Variants in SMAD5 observed in about 807,000 individuals in gnomAD.
SMAD5 encodes the protein SMAD family member 5.
Under a neutral mutation model 43.1 loss-of-function variants are expected in SMAD5, and 9 were observed. That is an observed-to-expected ratio of 0.21 (90% CI 0.13 to 0.36). The LOEUF is 0.36. Ranked by LOEUF, SMAD5 falls within the 10% of genes least tolerant of loss-of-function variation. SMAD5 has a pLI of 1.00. For missense variants in SMAD5, 348 were observed against 574.0 expected (o/e 0.61, Z 4.02); for synonymous variants, 190 against 192.4 (o/e 0.99, Z 0.10).
At position 136,177,610 on chromosome 5, in the gene SMAD5, C is replaced by A. The variant is rs757188211; in HGVS notation, c.*130C>A. On this transcript the variant is annotated 3_prime_UTR_variant, in exon 8 of 8. Coordinates refer to ENST00000545279, the MANE Select transcript of SMAD5 (RefSeq NM_005903.7). ...CTTATTTTTTTCTACATAATTGTGA[C>A]CAATACATTTGTATTTTGTGATGAA... The A allele has an allele frequency of 4.6e-6, 3 of 654,952 alleles. No homozygotes were observed. The highest frequency in any genetic ancestry group is 7.7e-6 in the Non-Finnish European group (3 of 392,038). The allele number at this position is 654,952 out of a possible 1,614,324, so 40.6% of individuals were successfully genotyped here. A position where few individuals can be genotyped will look rare whatever the true frequency, so the allele number is the denominator to read the frequency against.
rs898542325 is a variant in SMAD5 at position 136,132,948 on chromosome 5, C to G, written c.-259C>G. 2.6e-5 allele frequency: 4 copies of G among 152,256 alleles called. No homozygotes were observed. Among genetic ancestry groups the G allele is most frequent in the African/African-American group, 9.6e-5 (4 of 41,460 alleles). 9.4% of individuals were successfully genotyped at this position (152,256 alleles called of 1,614,324 possible). On this transcript the variant is annotated 5_prime_UTR_variant, in exon 1 of 8. Coordinates refer to ENST00000545279, the MANE Select transcript of SMAD5 (RefSeq NM_005903.7). The stretch of plus-strand genomic sequence containing the variant: ...CAGCGACGGCGTCGGGAGAGCGCGC[C>G]TAGCCGGCTCGCGAGTGAGTGAGGG...
In SMAD5 at chr5:136,178,235, G is replaced by C. The variant is rs1478876738; in HGVS notation, c.*755G>C. ...TCATAAGCATTACTTTATAGCTAGT[G>C]ACAGTGCATGCACAGCCTTGTTCAA... is the stretch of plus-strand genomic sequence containing the variant. On this transcript the variant is annotated 3_prime_UTR_variant, in exon 8 of 8. Coordinates refer to ENST00000545279, the MANE Select transcript of SMAD5 (RefSeq NM_005903.7). The C allele has an allele frequency of 1.3e-5, 2 of 152,618 alleles. No individual in the cohort carries two copies. The highest frequency in any genetic ancestry group is 4.8e-5 in the African/African-American group (2 of 41,434). 9.5% of individuals were successfully genotyped at this position (152,618 alleles called of 1,614,324 possible). A position where few individuals can be genotyped will look rare whatever the true frequency, so the allele number is the denominator to read the frequency against.
intron 1 of SMAD5, among the ~76,000 whole-genome samples, chr5:136,139,126 C>CTGTGTG (rs33970909): frequency 0.011 from 1,520 of 139,940 alleles, 38 homozygotes; most frequent in African/African-American, 0.041. Flanking sequence ...TAGCTGTGAG[C>CTGTGTG]TCTGTGTGTG....
At chr5:136,136,919 A>G (rs1436632712) in intron 1 of SMAD5, among the ~76,000 whole-genome samples, 1 of 151,982 alleles carries the variant, frequency 6.6e-6, no homozygotes, top group Non-Finnish European at 1.5e-5. Context: ...CTGGTCTCGA[A>G]CTTCTGACCT....
In SMAD5 at chr5:136,179,010, A is replaced by C. The variant is rs1205698448; in HGVS notation, c.*1530A>C. On this transcript the variant is annotated 3_prime_UTR_variant, in exon 8 of 8. Coordinates refer to ENST00000545279, the MANE Select transcript of SMAD5 (RefSeq NM_005903.7). ...GGAGGTTGTGGTGAGCCGAGATCGC[A>C]CCACTGCACTCCAGCCTGGGCGACA... is the stretch of plus-strand genomic sequence containing the variant. 5 of 152,472 alleles carry C rather than the reference A, an allele frequency of 3.3e-5. No individual in the cohort carries two copies. The highest frequency in any genetic ancestry group is 1.2e-4 in the African/African-American group (5 of 41,428). The allele number at this position is 152,472 out of a possible 1,614,324, so 9.4% of individuals were successfully genotyped here. A position where few individuals can be genotyped will look rare whatever the true frequency, so the allele number is the denominator to read the frequency against.
intron 5 of SMAD5, among the ~76,000 whole-genome samples, chr5:136,164,753 G>A (rs913731755): frequency 3.3e-5 from 5 of 151,932 alleles, no homozygotes; most frequent in African/African-American, 4.8e-5. Context: ...TTCATTTCTA[G>A]ATTATGCTTT....
intron 1 of SMAD5, among the ~76,000 whole-genome samples, chr5:136,143,733 A>G (rs970024043): frequency 2.0e-5 from 3 of 151,836 alleles, no homozygotes; most frequent in Non-Finnish European, 4.4e-5. Context: ...ACAAGCAGTT[A>G]TTCTTGCCTC....
chr5:136,176,457 C>CAAAAAAAAAAAAAAAA (rs60311104), intron 7 of SMAD5, among the ~76,000 whole-genome samples: 2 of 68,534 alleles, frequency 2.9e-5, no homozygotes, highest in African/African-American at 9.7e-5. Flanking sequence ...CTCTGTCTCA[C>CAAAAAAAAAAAAAAAA]AAAAAAAAAA....
intron 3 of SMAD5, among the ~76,000 whole-genome samples, chr5:136,158,276 T>C (rs2149771396): frequency 6.6e-6 from 1 of 152,074 alleles, no homozygotes; most frequent in South Asian, 2.1e-4. Context: ...AAAAAAAAGA[T>C]TCTGAAAACT....
At chr5:136,152,303 G>A (rs1753498242) in intron 2 of SMAD5, among the ~76,000 whole-genome samples, 3 of 152,056 alleles carry the variant, frequency 2.0e-5, no homozygotes, top group Non-Finnish European at 2.9e-5. Flanking sequence ...TTTTTAAAAA[G>A]CCCCATCATG....
chr5:136,158,120 G>A (rs1171320555), intron 3 of SMAD5, among the ~76,000 whole-genome samples: 2 of 152,100 alleles, frequency 1.3e-5, no homozygotes, highest in Admixed American at 6.5e-5. Context: ...TGGAAATAGA[G>A]CATTGAGGAA....
rs990626750 is a variant in SMAD5, at chr5:136,178,214, A to G, written c.*734A>G. On this transcript the variant is annotated 3_prime_UTR_variant, in exon 8 of 8. Coordinates refer to ENST00000545279, the MANE Select transcript of SMAD5 (RefSeq NM_005903.7). ...ATGTCATTTACTCAAAATCTGTCAT[A>G]AGCATTACTTTATAGCTAGTGACAG... is the stretch of plus-strand genomic sequence containing the variant. The G allele has an allele frequency of 3.3e-5, 5 of 152,628 alleles. No homozygotes were observed. The highest frequency in any genetic ancestry group is 1.2e-4 in the African/African-American group (5 of 41,420). 9.5% of individuals were successfully genotyped at this position (152,628 alleles called of 1,614,324 possible).
chr5:136,161,049 C>G lies in SMAD5; in HGVS notation c.597C>G (p.Ser199Arg), dbSNP rs1753809931. The change falls in exon 4 of 8, where the codon AGC (serine) becomes AGG (arginine). Residue 199 changes from serine (S) to arginine (R), a missense_variant. Transcript: ENST00000545279. ...GCCCTTATCCCCCTTCTCCTGCTAG[C>G]AGCACATATCCCAACTCCCCAGCAA... ...PNSPYPPSPA[S>R]STYPNSPASS... 6.2e-6 allele frequency: 10 copies of G among 1,613,730 alleles called. No individual in the cohort carries two copies. Among genetic ancestry groups the G allele is most frequent in the Non-Finnish European group, 8.5e-6 (10 of 1,179,788 alleles).
At chr5:136,148,473 A>T (rs1229001439) in intron 2 of SMAD5, among the ~76,000 whole-genome samples, 2 of 151,828 alleles carry the variant, frequency 1.3e-5, no homozygotes, top group Admixed American at 1.3e-4. Context: ...AAACATGGAG[A>T]ATCTTATAAT....
At chr5:136,166,585 T>A (rs1754022227) in intron 5 of SMAD5, among the ~76,000 whole-genome samples, 1 of 152,228 alleles carries the variant, frequency 6.6e-6, no homozygotes, top group African/African-American at 2.4e-5. Context: ...AGGTAGTTTT[T>A]AAATCTCTAA....
At position 136,180,751 on chromosome 5, in the gene SMAD5, G is replaced by A. The variant is rs1043426213; in HGVS notation, c.*3271G>A. The stretch of plus-strand genomic sequence containing the variant: ...ATAGAATTGGTTGGGTTTCTGAGGT[G>A]AAATCCAGAGTAAGAGTACTAGACA... On this transcript the variant is annotated 3_prime_UTR_variant, in exon 8 of 8. Coordinates refer to ENST00000545279, the MANE Select transcript of SMAD5 (RefSeq NM_005903.7). The A allele has an allele frequency of 2.6e-5, 4 of 152,122 alleles. No homozygotes were observed. The highest frequency in any genetic ancestry group is 3.8e-4 in the East Asian group (2 of 5,198). 9.4% of individuals were successfully genotyped at this position (152,122 alleles called of 1,614,324 possible).
chr5:136,176,235 C>T (rs891697061), intron 7 of SMAD5, among the ~76,000 whole-genome samples: 5 of 151,580 alleles, frequency 3.3e-5, no homozygotes, highest in Middle Eastern at 3.5e-3. Flanking sequence ...AGGTGGATCA[C>T]CTGAGATCAG....
chr5:136,176,457 C>CAAAAAAAAAAAAAAAAAAA (rs60311104), intron 7 of SMAD5, among the ~76,000 whole-genome samples: 3 of 68,532 alleles, frequency 4.4e-5, no homozygotes, highest in African/African-American at 1.5e-4. Context: ...CTCTGTCTCA[C>CAAAAAAAAAAAAAAAAAAA]AAAAAAAAAA....
intron 1 of SMAD5, chr5:136,134,628 C>G (rs1311286021): frequency 1.3e-5 from 2 of 152,050 alleles, no homozygotes; most frequent in Non-Finnish European, 2.9e-5. Flanking sequence ...ATATTTTTTT[C>G]TCTACAGTGA....
Sources: allele counts gnomAD v4.1 joint callset (sites outside exome capture counted in the v4.1 genomes callset), GRCh38; gene constraint gnomAD v4.1.1; transcripts MANE v1.5; gene names NCBI Gene and HGNC (gene_info 2026-07-23, HGNC 2026-07-21).